Variants in HS3ST4 observed in about 807,000 individuals in gnomAD.
HS3ST4 encodes the protein heparan sulfate glucosamine 3-O-sulfotransferase 4.
In HS3ST4, 17 loss-of-function variants were observed where a neutral mutation model predicts 29.2. The ratio of observed to expected loss-of-function variants is 0.58; its 90% CI spans 0.40 to 0.87. HS3ST4 has a LOEUF of 0.87. HS3ST4 is among the 40% of genes least tolerant of loss of function. The pLI, the probability that HS3ST4 is intolerant of heterozygous loss-of-function variation, is 0.00. For synonymous variants in HS3ST4, 314 were observed against 285.7 expected, an observed-to-expected ratio of 1.10 and a Z score of -1.00; for missense variants, 627 against 634.5, an observed-to-expected ratio of 0.99 and a Z score of 0.13.
chr16:25,990,438 G>A (rs1338529575), intron 1 of HS3ST4, among the ~76,000 whole-genome samples: 1 of 152,204 alleles, frequency 6.6e-6, no homozygotes, highest in Non-Finnish European at 1.5e-5. Flanking sequence ...CAATGTTTTG[G>A]ATTTTGACCA....
At chr16:25,699,767 C>G (rs991432869) in intron 1 of HS3ST4, among the ~76,000 whole-genome samples, 1 of 152,168 alleles carries the variant, frequency 6.6e-6, no homozygotes, top group Admixed American at 6.5e-5. Flanking sequence ...ATGTCTGAGC[C>G]AGAATCTATT....
At chr16:25,961,704 A>C (rs4581703) in intron 1 of HS3ST4, among the ~76,000 whole-genome samples, 39,454 of 152,048 alleles carry the variant, frequency 0.26, 6,739 homozygotes, top group African/African-American at 0.49. Context: ...AATATCAGAG[A>C]AACCTGGTGA....
chr16:25,976,537 G>A (rs542271797), intron 1 of HS3ST4, among the ~76,000 whole-genome samples: 4 of 148,106 alleles, frequency 2.7e-5, no homozygotes, highest in East Asian at 1.9e-4. Flanking sequence ...CTGCAAACAC[G>A]TTTGTGGAAG....
In HS3ST4 at chr16:26,115,410, T is replaced by G. The variant is rs11646053; in HGVS notation, c.735-20202T>G. Among the ~76,000 whole-genome samples the G allele has an allele frequency of 6.1e-3, 925 of 152,030 alleles. 3 individuals are homozygous for G. Among genetic ancestry groups the G allele is most frequent in the South Asian group, 0.011 (55 of 4,812 alleles). On this transcript the variant is annotated intron_variant, in intron 1 of 1. Transcript: ENST00000331351. The stretch of plus-strand genomic sequence containing the variant: ...TGAAGACTTTAACTCCAACGCAGGG[T>G]TCTGTGGAGGAGTGTTCAGCTATGA...
chr16:25,801,688 G>A lies in HS3ST4; in HGVS notation c.734+108537G>A, dbSNP rs191976066. Among the ~76,000 whole-genome samples, 285 of 152,040 alleles carry A rather than the reference G, an allele frequency of 1.9e-3. 2 individuals are homozygous for A. Among genetic ancestry groups the A allele is most frequent in the African/African-American group, 6.6e-3 (272 of 41,500 alleles). On this transcript the variant is annotated intron_variant, in intron 1 of 1. Transcript: ENST00000331351. ...TGTTACACATTTTAAATGCTTACTC[G>A]CCCTTAACGTTTTTCTTTGGGACAT... is the stretch of plus-strand genomic sequence containing the variant.
chr16:26,099,395 A>T (rs1389947362), intron 1 of HS3ST4, among the ~76,000 whole-genome samples: 1 of 152,128 alleles, frequency 6.6e-6, no homozygotes, highest in African/African-American at 2.4e-5. Flanking sequence ...TCCTTAAGCA[A>T]TCTTCATGCC....
chr16:26,006,371 C>T (rs930967378), intron 1 of HS3ST4, among the ~76,000 whole-genome samples: 3 of 138,330 alleles, frequency 2.2e-5, no homozygotes, highest in Non-Finnish European at 3.1e-5. Context: ...TATTGTTTTT[C>T]AGTTTGTTTG....
intron 1 of HS3ST4, among the ~76,000 whole-genome samples, chr16:25,856,707 G>A (rs1235697279): frequency 6.6e-6 from 1 of 152,122 alleles, no homozygotes; most frequent in Non-Finnish European, 1.5e-5. Flanking sequence ...AATTTGTGTT[G>A]GGCTGCATTC....
At chr16:26,038,814 G>T (rs2141757447) in intron 1 of HS3ST4, among the ~76,000 whole-genome samples, 1 of 152,196 alleles carries the variant, frequency 6.6e-6, no homozygotes, top group African/African-American at 2.4e-5. Flanking sequence ...CTCCCGAGTA[G>T]CTGGGACTAC....
intron 1 of HS3ST4, among the ~76,000 whole-genome samples, chr16:25,738,984 C>T (rs1966632187): frequency 1.3e-5 from 2 of 152,286 alleles, no homozygotes; most frequent in African/African-American, 4.8e-5. Flanking sequence ...TAGCACTTGC[C>T]ACTGCCTAGT....
intron 1 of HS3ST4, among the ~76,000 whole-genome samples, chr16:25,888,538 G>A (rs1192927144): frequency 2.0e-5 from 3 of 152,204 alleles, no homozygotes; most frequent in Non-Finnish European, 4.4e-5. Flanking sequence ...GGCTCTGTCT[G>A]TCCTTCCTTG....
chr16:25,942,057 G>A (rs917924196), intron 1 of HS3ST4, among the ~76,000 whole-genome samples: 18 of 152,186 alleles, frequency 1.2e-4, no homozygotes, highest in African/African-American at 3.6e-4. Flanking sequence ...CTCATTTAAT[G>A]TAGGGGTTGA....
At chr16:25,794,924 C>G (rs866722208) in intron 1 of HS3ST4, among the ~76,000 whole-genome samples, 4 of 116,700 alleles carry the variant, frequency 3.4e-5, no homozygotes, top group Admixed American at 1.8e-4. Context: ...CACACACACA[C>G]ACACACACAC....
rs1259671381 is a variant in HS3ST4, at chr16:25,794,938, CAT to C, written c.734+101794_734+101795del. On this transcript the variant is annotated intron_variant, in intron 1 of 1. Transcript: ENST00000331351. ...ACACACACACACACACACACACACACATATATATTCATAATTTTCATCTTTTT... is the reference window on the plus strand; with the variant it reads ...ACACACACACACACACACACACACACATATATTCATAATTTTCATCTTTTT... 9.4e-3 allele frequency among the ~76,000 whole-genome samples: 1,251 copies of C among 132,548 alleles called. 15 individuals are homozygous for C. Among genetic ancestry groups the C allele is most frequent in the African/African-American group, 0.026 (920 of 35,052 alleles). 87.0% of individuals were successfully genotyped at this position (132,548 alleles called of 152,430 possible). A position where few individuals can be genotyped will look rare whatever the true frequency, so the allele number is the denominator to read the frequency against.
Position 25,692,840 on chromosome 16 carries a change from G to T in HS3ST4, c.423G>T (p.Arg141=), listed in dbSNP as rs1190630582. 3.5e-6 allele frequency: 5 copies of T among 1,418,270 alleles called. No individual in the cohort carries two copies. In the African/African-American group the frequency reaches 6.0e-5, roughly 17 times the overall value. 87.9% of individuals were successfully genotyped at this position (1,418,270 alleles called of 1,614,324 possible). Residue 141 remains arginine, a synonymous_variant, in exon 1 of 2, where the codon CGG becomes CGT. Coordinates refer to ENST00000331351, the MANE Select transcript of HS3ST4 (RefSeq NM_006040.3). ...GAGGCGCCCAGGACGCCTGGCTCCG[G>T]ACCCCGCTGGCCCCCAGCGAGATGA... ...GGGGAQDAWL[R]TPLAPSEMIT...
chr16:25,730,581 CCCTTCTCCTTCCTTCCTT>C, intron 1 of HS3ST4, among the ~76,000 whole-genome samples: 1 of 118,498 alleles, frequency 8.4e-6, no homozygotes, highest in East Asian at 2.7e-4. Context: ...CCTTCTTCCT[CCCTTCTCCTTCCTTCCTT>C]CCTTCTTTCC....
At chr16:25,996,333 C>A (rs992130044) in intron 1 of HS3ST4, among the ~76,000 whole-genome samples, 1 of 152,114 alleles carries the variant, frequency 6.6e-6, no homozygotes, top group African/African-American at 2.4e-5. Context: ...AAGTTTAGAG[C>A]TTTTGGGTAT....
intron 1 of HS3ST4, among the ~76,000 whole-genome samples, chr16:25,934,454 T>C (rs1279747300): frequency 6.6e-6 from 1 of 152,180 alleles, no homozygotes; most frequent in Non-Finnish European, 1.5e-5. Flanking sequence ...CTATGACTTT[T>C]TGAGAAAGAG....
chr16:25,817,364 G>A (rs1434707858), intron 1 of HS3ST4, among the ~76,000 whole-genome samples: 1 of 152,204 alleles, frequency 6.6e-6, no homozygotes, highest in African/African-American at 2.4e-5. Context: ...TAGGAAAAGG[G>A]CCAGATAGGA....
Sources: allele counts gnomAD v4.1 joint callset (sites outside exome capture counted in the v4.1 genomes callset), GRCh38; gene constraint gnomAD v4.1.1; transcripts MANE v1.5; gene names NCBI Gene and HGNC (gene_info 2026-07-23, HGNC 2026-07-21).